The following ZNF174 variants were observed in gnomAD, a reference collection of about 807,000 sequenced individuals.
The protein encoded by ZNF174 is zinc finger protein 174, also known as AW-1.
In ZNF174, 30 loss-of-function variants were observed where a neutral mutation model predicts 38.7. That is an observed-to-expected ratio of 0.78 (90% CI 0.58 to 1.05). ZNF174 has a LOEUF of 1.05. Ranked by LOEUF, ZNF174 falls within the 50% of genes least tolerant of loss-of-function variation. The probability of loss-of-function intolerance (pLI) is 0.00; values close to 1 mark genes in which losing one functional copy is unlikely to be tolerated. For synonymous variants in ZNF174, 201 were observed against 181.7 expected (o/e 1.11, Z -0.86); for missense variants, 499 against 495.6 (o/e 1.01, Z -0.06).
In ZNF174 at chr16:3,408,728, A is replaced by C. The variant is rs1359432490; in HGVS notation, c.1033A>C (p.Lys345Gln). The C allele has an allele frequency of 6.2e-7, 1 of 1,614,174 alleles. No individual in the cohort carries two copies. Among genetic ancestry groups the C allele is most frequent in the Non-Finnish European group, 8.5e-7 (1 of 1,180,024 alleles). The change falls in exon 3 of 3, where the codon AAG becomes CAG. Residue 345 changes from lysine (K) to glutamine (Q), a missense_variant. Physicochemically the swap from Lys to Gln is moderately conservative, Grantham distance 53. Coordinates refer to ENST00000268655, the MANE Select transcript of ZNF174 (RefSeq NM_003450.3). ...GTGGAATTCAGAGCTGAAGAGACACAAGAGAGTCCACACAGGAGAGAGACC... is the reference window on the plus strand; with the variant it reads ...GTGGAATTCAGAGCTGAAGAGACACCAGAGAGTCCACACAGGAGAGAGACC... ...FTWNSELKRHKRVHTGERPYT... is the reference protein window; with the variant it reads ...FTWNSELKRHQRVHTGERPYT...
intron 1 of ZNF174, among the ~76,000 whole-genome samples, chr16:3,403,912 C>T (rs980285114): frequency 2.0e-5 from 3 of 152,152 alleles, no homozygotes; most frequent in African/African-American, 4.8e-5. Context: ...GCAGGTACTT[C>T]GGAAAATAGA....
At position 3,408,358 on chromosome 16, in the gene ZNF174, A is replaced by G; in HGVS notation, c.663A>G (p.Pro221=). Residue 221 remains proline (P), a synonymous_variant, in exon 3 of 3, where the codon CCA becomes CCG. Transcript: ENST00000268655. ...PRMRSDNKEN[P]QQEGAKGAKP... is the part of the protein sequence containing the mutation. ...TGAGAAGTGACAACAAGGAAAATCC[A>G]CAACAGGAAGGGGCTAAAGGAGCAA... 6.2e-7 allele frequency: 1 copy of G among 1,602,628 alleles called. No individual in the cohort carries two copies. Among genetic ancestry groups the G allele is most frequent in the Non-Finnish European group, 8.5e-7 (1 of 1,175,204 alleles).
rs1457725721 is a variant in ZNF174, at chr16:3,401,273, G to C, written c.-732G>C. On this transcript the variant is annotated 5_prime_UTR_variant, in exon 1 of 3. Coordinates refer to ENST00000268655, the MANE Select transcript of ZNF174 (RefSeq NM_003450.3). ...CTCGGTCTTGGGTTCCCGGAGAGGT[G>C]AGTCGGCTGCAGGTGGGTGCGGGGC... The C allele has an allele frequency of 6.6e-6, 1 of 152,534 alleles. No individual in the cohort carries two copies. Among genetic ancestry groups the C allele is most frequent in the Non-Finnish European group, 1.5e-5 (1 of 68,324 alleles). 9.4% of individuals were successfully genotyped at this position (152,534 alleles called of 1,614,324 possible).
intron 2 of ZNF174, among the ~76,000 whole-genome samples, chr16:3,406,612 T>A (rs927644011): frequency 3.3e-5 from 5 of 152,244 alleles, no homozygotes; most frequent in African/African-American, 1.2e-4. Flanking sequence ...GATCCTTTGG[T>A]CATTTTTAAA....
Position 3,402,036 on chromosome 16 carries a change from C to G in ZNF174, c.32C>G (p.Ser11Cys). 6.2e-7 allele frequency: 1 copy of G among 1,613,506 alleles called. No homozygotes were observed. The highest frequency in any genetic ancestry group is 1.1e-5 in the South Asian group (1 of 90,998). Residue 11 changes from serine to cysteine, a missense_variant, in exon 1 of 3, where the codon TCC becomes TGC. Ser to Cys is a moderately radical substitution (Grantham distance 112). Transcript: ENST00000268655. ...GCTAAAATGGAGATAACTTTAAGCTCCAACACTGAAGCTTCCTCCAAGCAA... is the reference window on the plus strand; with the variant it reads ...GCTAAAATGGAGATAACTTTAAGCTGCAACACTGAAGCTTCCTCCAAGCAA... MAAKMEITLSSNTEASSKQER... is the reference protein window; with the variant it reads MAAKMEITLSCNTEASSKQER...
intron 1 of ZNF174, 95 bp downstream of exon 1, chr16:3,402,501 C>G (rs1353320801): frequency 3.1e-6 from 4 of 1,305,746 alleles, no homozygotes; most frequent in African/African-American, 1.5e-5. Context: ...CTCTTTCGCC[C>G]AGGCCCGAGT....
rs1596259032 is a variant in ZNF174, at chr16:3,408,929, T to C, written c.*10T>C. 5.0e-6 allele frequency: 8 copies of C among 1,588,578 alleles called. No individual in the cohort carries two copies. Among genetic ancestry groups the C allele is most frequent in the Non-Finnish European group, 6.9e-6 (8 of 1,165,876 alleles). On this transcript the variant is annotated 3_prime_UTR_variant, in exon 3 of 3. Transcript: ENST00000268655. ...TCACCATGGGGACTAAAAGGAGCAC[T>C]CCATGCTTTAGATTCACACGGAAGG...
At chr16:3,406,094 T>C (rs1381087592) in intron 2 of ZNF174, among the ~76,000 whole-genome samples, 2 of 152,258 alleles carry the variant, frequency 1.3e-5, no homozygotes, top group South Asian at 2.1e-4. Context: ...TCAAGTTTTA[T>C]CCATGCTGTA....
intron 2 of ZNF174, among the ~76,000 whole-genome samples, chr16:3,406,029 T>C (rs555847670): frequency 1.3e-5 from 2 of 152,294 alleles, no homozygotes; most frequent in East Asian, 3.9e-4. Context: ...AATAAATAAA[T>C]TGAATCACAC....
chr16:3,403,473 G>A (rs2033998315), intron 1 of ZNF174, among the ~76,000 whole-genome samples: 1 of 148,870 alleles, frequency 6.7e-6, no homozygotes, highest in Non-Finnish European at 1.5e-5. Flanking sequence ...ACCTGGCCTA[G>A]CTTTTTGTCT....
At chr16:3,402,954 A>T (rs2033980164) in intron 1 of ZNF174, among the ~76,000 whole-genome samples, 1 of 152,020 alleles carries the variant, frequency 6.6e-6, no homozygotes, top group African/African-American at 2.4e-5. Flanking sequence ...CCATTCCTTT[A>T]TGCACCTTGT....
chr16:3,402,235 C>G lies in ZNF174; in HGVS notation c.231C>G (p.Pro77=). Residue 77 remains proline, a synonymous_variant, in exon 1 of 3, where the codon CCC becomes CCG. Coordinates refer to ENST00000268655, the MANE Select transcript of ZNF174 (RefSeq NM_003450.3). ...LRQLCRQWLQ[P]ELHTKEQILE... is the part of the protein sequence containing the mutation. ...AGCTCTGCCGTCAGTGGTTGCAACC[C>G]GAGCTGCACACCAAGGAGCAGATTT... 19 of 1,614,114 alleles carry G rather than the reference C, an allele frequency of 1.2e-5. No individual in the cohort carries two copies. The highest frequency in any genetic ancestry group is 1.4e-5 in the Non-Finnish European group (16 of 1,180,026).
chr16:3,402,121 C>T lies in ZNF174; in HGVS notation c.117C>T (p.Cys39=), dbSNP rs749550552. 1.9e-6 allele frequency: 3 copies of T among 1,614,170 alleles called. No homozygotes were observed. The highest frequency in any genetic ancestry group is 8.5e-7 in the Non-Finnish European group (1 of 1,180,032). The change falls in exon 1 of 3, where the codon TGC becomes TGT. Residue 39 remains cysteine, a synonymous_variant. Coordinates refer to ENST00000268655, the MANE Select transcript of ZNF174 (RefSeq NM_003450.3). ...EKRGPPLQKN[C]PDPELCRQSF... is the part of the protein sequence containing the mutation. ...GGGGCCCTCCTCTGCAAAAAAACTGCCCAGATCCTGAGCTCTGCCGCCAGA... is the reference window on the plus strand; with the variant it reads ...GGGGCCCTCCTCTGCAAAAAAACTGTCCAGATCCTGAGCTCTGCCGCCAGA...
intron 1 of ZNF174, 36 bp downstream of exon 1, chr16:3,402,442 C>G (rs745451649): frequency 1.5e-6 from 2 of 1,303,438 alleles, no homozygotes; most frequent in Non-Finnish European, 2.0e-6. Flanking sequence ...CTGGGGATTT[C>G]TTTTTCTTTT....
chr16:3,403,056 A>G (rs570091381), intron 1 of ZNF174, among the ~76,000 whole-genome samples: 62 of 148,788 alleles, frequency 4.2e-4, no homozygotes, highest in East Asian at 2.0e-3. Context: ...TTCTTAGCAG[A>G]TAGGGTCACC....
rs557979050 is a variant in ZNF174 at position 3,401,963 on chromosome 16, T to C, written c.-42T>C. ...TCTCCAGGGTCATGATCCCAAAGGC[T>C]TAACCCGTTTACAAGGAGAGAGTTG... On this transcript the variant is annotated 5_prime_UTR_variant, in exon 1 of 3. Transcript: ENST00000268655. 1 of 1,599,354 alleles carries C rather than the reference T, an allele frequency of 6.3e-7. No homozygotes were observed. Among genetic ancestry groups the C allele is most frequent in the South Asian group, 1.1e-5 (1 of 88,438 alleles).
chr16:3,401,714 A>G lies in ZNF174; in HGVS notation c.-291A>G, dbSNP rs1184177976. On this transcript the variant is annotated 5_prime_UTR_variant, in exon 1 of 3. Coordinates refer to ENST00000268655, the MANE Select transcript of ZNF174 (RefSeq NM_003450.3). ...CCTGTGTGCTTGCTACTGAAATAAA[A>G]GAAGTATTTTTTCCCCAGAGTCCTT... 1 of 331,114 alleles carries G rather than the reference A, an allele frequency of 3.0e-6. No homozygotes were observed. Among genetic ancestry groups the G allele is most frequent in the African/African-American group, 2.2e-5 (1 of 44,784 alleles). 20.5% of individuals were successfully genotyped at this position (331,114 alleles called of 1,614,324 possible).
intron 2 of ZNF174, among the ~76,000 whole-genome samples, chr16:3,407,583 G>A: frequency 6.6e-6 from 1 of 152,196 alleles, no homozygotes; most frequent in East Asian, 1.9e-4. Context: ...ATAGTCACAT[G>A]TGGCTAGTGG....
chr16:3,402,433 TG>T (rs749675037), intron 1 of ZNF174, 27 bp downstream of exon 1: 8 of 1,537,590 alleles, frequency 5.2e-6, no homozygotes, highest in Non-Finnish European at 7.0e-6. Flanking sequence ...CCCATCATCC[TG>T]GGGATTTCTT....
Sources: allele counts gnomAD v4.1 joint callset (sites outside exome capture counted in the v4.1 genomes callset), GRCh38; gene constraint gnomAD v4.1.1; transcripts MANE v1.5; gene names NCBI Gene and HGNC (gene_info 2026-07-23, HGNC 2026-07-21).